P4HB: variants seen among roughly 807,000 people sequenced by gnomAD.
The protein encoded by P4HB is protein disulfide-isomerase.
P4HB carries 20 observed loss-of-function variants against 52.6 expected under a neutral mutation model. The ratio of observed to expected loss-of-function variants is 0.38; its 90% CI spans 0.27 to 0.55. The LOEUF is 0.55. P4HB is among the 20% of genes least tolerant of loss of function. The probability of loss-of-function intolerance (pLI) is 0.74; values close to 1 mark genes in which losing one functional copy is unlikely to be tolerated. For synonymous variants in P4HB, 296 were observed against 277.9 expected, an observed-to-expected ratio of 1.07 and a Z score of -0.65; for missense variants, 601 against 669.2, an observed-to-expected ratio of 0.90 and a Z score of 1.12.
chr17:81,847,962 T>C (rs538763245), intron 4 of P4HB: 8 of 150,846 alleles, frequency 5.3e-5, no homozygotes, highest in African/African-American at 1.5e-4. Flanking sequence ...TGGAGTGCAG[T>C]GGCGTGATCT....
chr17:81,850,934 A>T (rs1257160746), intron 4 of P4HB, among the ~76,000 whole-genome samples: 1 of 147,856 alleles, frequency 6.8e-6, no homozygotes, highest in Admixed American at 6.7e-5. Context: ...GGTCCCCTTG[A>T]ACCTTTTTTT....
chr17:81,855,082 G>GCCACCCTCTGCAGACCAACC lies in P4HB; in HGVS notation c.624+40_624+59dup. On this transcript the variant is annotated intron_variant, in intron 4 of 10. Coordinates refer to ENST00000331483, the MANE Select transcript of P4HB (RefSeq NM_000918.4). The surrounding 1 kb of genome is among the most constrained non-coding windows in gnomAD (Gnocchi z 4.3). ...TTCCCTTAACGATAAGGAGAGCAAC[G>GCCACCCTCTGCAGACCAACC]CCACCCTCTGCAGACCAACCCCAGA... 1 of 1,560,282 alleles carries GCCACCCTCTGCAGACCAACC rather than the reference G, an allele frequency of 6.4e-7. No individual in the cohort carries two copies. The highest frequency in any genetic ancestry group is 8.8e-7 in the Non-Finnish European group (1 of 1,132,890).
Position 81,843,984 on chromosome 17 carries a change from C to G in P4HB, c.*28G>C. The G allele has an allele frequency of 6.4e-7, 1 of 1,566,480 alleles. No homozygotes were observed. The highest frequency in any genetic ancestry group is 8.8e-7 in the Non-Finnish European group (1 of 1,136,948). ...TGGGTGTGCAGCCCCCGAGGGGTCT[C>G]GGCAGCGCCCGGGTCTGGCTTTGCG... On this transcript the variant is annotated 3_prime_UTR_variant, in exon 11 of 11. Coordinates refer to ENST00000331483, the MANE Select transcript of P4HB (RefSeq NM_000918.4).
At position 81,859,402 on chromosome 17, in the gene P4HB, GA is replaced by G. The variant is rs535245274; in HGVS notation, c.146-16del. 4.0e-4 allele frequency: 644 copies of G among 1,609,134 alleles called. 1 individual carries two copies. The African/African-American group carries it at 7.3e-3, about 18-fold the overall frequency. ...CCAAGGGGCATCTGGAAGCGGAAAT[GA>G]GATGCTAGAAAGCAGCCTTGATCCC... On this transcript the variant is annotated splice_polypyrimidine_tract_variant and intron_variant, in intron 1 of 10. Coordinates refer to ENST00000331483, the MANE Select transcript of P4HB (RefSeq NM_000918.4).
intron 1 of P4HB, 175 bp downstream of exon 1, chr17:81,860,152 C>T (rs2038975882): frequency 2.1e-6 from 1 of 482,722 alleles, no homozygotes; most frequent in Non-Finnish European, 3.4e-6. Context: ...GCTCCCAGCC[C>T]GGCTCTCACC....
chr17:81,844,672 C>T (rs936362620), intron 10 of P4HB, among the ~76,000 whole-genome samples: 5 of 152,198 alleles, frequency 3.3e-5, no homozygotes, highest in African/African-American at 7.2e-5. Flanking sequence ...TCAAGCACCC[C>T]GCCCCTGCCG....
At chr17:81,859,099 C>G in intron 2 of P4HB, 82 bp downstream of exon 2, 1 of 1,341,374 alleles carries the variant, frequency 7.5e-7, no homozygotes. Context: ...CTCCCCACCG[C>G]TCAGACAGCT....
chr17:81,845,988 G>T lies in P4HB; in HGVS notation c.1060C>A (p.His354Asn). The change falls in exon 8 of 11, where the codon CAC becomes AAC. Residue 354 changes from histidine (H) to asparagine (N), a missense_variant. Transcript: ENST00000331483. ...TCCGGCAGCTCCTGGCTCATCAGGT[G>T]GGGCTGGAGGGCAGGCAGGGCACGG... Reference protein sequence around the residue: ...HRFLEGKIKPHLMSQELPEDW... With the variant: ...HRFLEGKIKPNLMSQELPEDW... 6.2e-7 allele frequency: 1 copy of T among 1,605,808 alleles called. No homozygotes were observed. The highest frequency in any genetic ancestry group is 8.5e-7 in the Non-Finnish European group (1 of 1,174,944).
intron 2 of P4HB, among the ~76,000 whole-genome samples, chr17:81,857,010 T>G (rs898379221): frequency 6.6e-6 from 1 of 151,736 alleles, no homozygotes; most frequent in Admixed American, 6.6e-5. Context: ...CTCAAACTCC[T>G]GGGATTAAGC....
At chr17:81,849,628 C>T (rs965264197) in intron 4 of P4HB, among the ~76,000 whole-genome samples, 37 of 152,284 alleles carry the variant, frequency 2.4e-4, no homozygotes, top group African/African-American at 8.2e-4. Context: ...TAATAATGCA[C>T]GGCAGCTTCA....
rs2038749489 is a variant in P4HB at position 81,847,222 on chromosome 17, GGGGCTGCAGGGCAGCC to G, written c.729+5_729+20del. Reference sequence around the variant, plus strand: ...CCCACTCCTCCCCATCCCCAGCCTGGGGGCTGCAGGGCAGCCGCACCTGCTCGGTGAACTCGATGAC... The same window carrying G: ...CCCACTCCTCCCCATCCCCAGCCTGGGCACCTGCTCGGTGAACTCGATGAC... On this transcript the variant is annotated splice_donor_5th_base_variant and intron_variant, in intron 5 of 10. Transcript: ENST00000331483. 4 of 1,611,818 alleles carry G rather than the reference GGGGCTGCAGGGCAGCC, an allele frequency of 2.5e-6. 1 individual carries two copies. The South Asian group carries it at 4.4e-5, about 18-fold the overall frequency.
chr17:81,846,419 G>A lies in P4HB; in HGVS notation c.1056+10C>T, dbSNP rs550785092. 96 of 1,612,718 alleles carry A rather than the reference G, an allele frequency of 6.0e-5. 1 individual carries two copies. The highest frequency in any genetic ancestry group is 1.1e-4 in the African/African-American group (8 of 74,916). Reference sequence around the variant, plus strand: ...CGGGAGGCAGCCCTGGCCCGGGGACGCGCCTGCACCTTGATTTTGCCCTCC... The same window carrying A: ...CGGGAGGCAGCCCTGGCCCGGGGACACGCCTGCACCTTGATTTTGCCCTCC... On this transcript the variant is annotated intron_variant, in intron 7 of 10. Coordinates refer to ENST00000331483, the MANE Select transcript of P4HB (RefSeq NM_000918.4). The surrounding 1 kb of genome is among the most constrained non-coding windows in gnomAD (Gnocchi z 5.7).
At chr17:81,859,155 G>A (rs746028482) in intron 2 of P4HB, 26 bp downstream of exon 2, 2 of 1,605,340 alleles carry the variant, frequency 1.2e-6, no homozygotes, top group Non-Finnish European at 1.7e-6. Flanking sequence ...TCTAAAGACA[G>A]TTCAAGGGCA....
intron 4 of P4HB, among the ~76,000 whole-genome samples, chr17:81,848,556 T>C (rs1300095902): frequency 6.6e-6 from 1 of 151,550 alleles, no homozygotes; most frequent in African/African-American, 2.4e-5. Flanking sequence ...GCCAACACGG[T>C]AAAACCCCAT....
chr17:81,845,624 C>T lies in P4HB; in HGVS notation c.1296G>A (p.Val432=). 2 of 1,613,382 alleles carry T rather than the reference C, an allele frequency of 1.2e-6. No individual in the cohort carries two copies. The highest frequency in any genetic ancestry group is 8.5e-7 in the Non-Finnish European group (1 of 1,179,446). The change falls in exon 9 of 11, where the codon GTG becomes GTA. Residue 432 remains valine, a synonymous_variant. Transcript: ENST00000331483. ...IAKMDSTANE[V]EAVKVHSFPT... Reference sequence around the variant, plus strand: ...GGAAGCTGTGCACTTTGACGGCCTCCACCTCGTTGGCAGTCGAGTCCATCT... The same window carrying T: ...GGAAGCTGTGCACTTTGACGGCCTCTACCTCGTTGGCAGTCGAGTCCATCT...
Position 81,855,447 on chromosome 17 carries a change from C to T in P4HB, c.486+6G>A, listed in dbSNP as rs1257098535. The stretch of plus-strand genomic sequence containing the variant: ...GGAAGGAAGACTGGAATGCTCTGGT[C>T]TCTACCTTGAAGAAGCCGATGACAG... On this transcript the variant is annotated splice_donor_region_variant and intron_variant, in intron 3 of 10. Transcript: ENST00000331483. The surrounding 1 kb of genome is among the most constrained non-coding windows in gnomAD (Gnocchi z 4.3). 1 of 1,610,162 alleles carries T rather than the reference C, an allele frequency of 6.2e-7. No individual in the cohort carries two copies. Among genetic ancestry groups the T allele is most frequent in the South Asian group, 1.1e-5 (1 of 90,702 alleles).
In P4HB at chr17:81,845,754, G is replaced by A; in HGVS notation, c.1178-12C>T. 1 of 1,612,404 alleles carries A rather than the reference G, an allele frequency of 6.2e-7. No homozygotes were observed. The highest frequency in any genetic ancestry group is 1.1e-5 in the South Asian group (1 of 91,034). ...ACACCATGGGGCATCTGAAAAGAAA[G>A]CAGTTCTAGGGTGTGTCCTGGACAC... is the stretch of plus-strand genomic sequence containing the variant. On this transcript the variant is annotated splice_polypyrimidine_tract_variant and intron_variant, in intron 8 of 10. Coordinates refer to ENST00000331483, the MANE Select transcript of P4HB (RefSeq NM_000918.4).
chr17:81,851,579 G>C (rs2038831202), intron 4 of P4HB, among the ~76,000 whole-genome samples: 1 of 152,218 alleles, frequency 6.6e-6, no homozygotes, highest in Admixed American at 6.5e-5. Flanking sequence ...CGTGCTCCCA[G>C]TGGCACGGGT....
chr17:81,845,467 G>C, intron 9 of P4HB, 94 bp downstream of exon 9: 1 of 1,266,894 alleles, frequency 7.9e-7, no homozygotes, highest in Non-Finnish European at 1.1e-6. Flanking sequence ...CACCTGACTA[G>C]CCCCAGGCTC....
Sources: gnomAD v4.1 joint callset for allele counts (sites outside exome capture counted in the v4.1 genomes callset) on GRCh38, gnomAD v4.1.1 for gene constraint, Gnocchi (gnomAD v3.1) non-coding constraint, MANE v1.5 for transcripts, NCBI Gene and HGNC (gene_info 2026-07-23, HGNC 2026-07-21) for gene names.